The following DUSP10 variants were observed in gnomAD, a reference collection of about 807,000 sequenced individuals.
DUSP10 encodes the protein dual specificity protein phosphatase 10.
Under a neutral mutation model 30.8 loss-of-function variants are expected in DUSP10, and 14 were observed. That is an observed-to-expected ratio of 0.46 (90% CI 0.30 to 0.71). The LOEUF is 0.71. DUSP10 is among the 30% of genes least tolerant of loss of function. The pLI is 0.08. For missense variants in DUSP10, 550 were observed against 619.4 expected, an observed-to-expected ratio of 0.89 and a Z score of 1.19; for synonymous variants, 254 against 250.4, an observed-to-expected ratio of 1.01 and a Z score of -0.14.
At chr1:221,711,964 G>A (rs1159465241) in intron 2 of DUSP10, 2 of 152,194 alleles carry the variant, frequency 1.3e-5, no homozygotes, top group African/African-American at 2.4e-5. Flanking sequence ...CTTCTTCAAA[G>A]ACAGGGTCAG....
Position 221,741,983 on chromosome 1 carries a change from C to T in DUSP10, c.-46G>A, listed in dbSNP as rs1400887431. Reference sequence around the variant, plus strand: ...TAGTCGCGGTGACTTCCACTTACTTCATAAATAAGTGTATTCCTCCACCAT... The same window carrying T: ...TAGTCGCGGTGACTTCCACTTACTTTATAAATAAGTGTATTCCTCCACCAT... On this transcript the variant is annotated splice_region_variant and 5_prime_UTR_variant, in exon 1 of 4. The change abolishes an upstream ATG in the 5' untranslated region. Coordinates refer to ENST00000366899, the MANE Select transcript of DUSP10 (RefSeq NM_007207.6). 6.6e-6 allele frequency: 1 copy of T among 152,352 alleles called. No individual in the cohort carries two copies. The highest frequency in any genetic ancestry group is 6.5e-5 in the Admixed American group (1 of 15,286). 9.4% of individuals were successfully genotyped at this position (152,352 alleles called of 1,614,324 possible).
At chr1:221,709,699 C>G (rs1432195004) in intron 2 of DUSP10, among the ~76,000 whole-genome samples, 2 of 151,812 alleles carry the variant, frequency 1.3e-5, no homozygotes, top group African/African-American at 4.8e-5. Context: ...ACAGTGGTGG[C>G]TTTTTCCAGA....
chr1:221,727,491 C>T (rs1661458778), intron 2 of DUSP10, among the ~76,000 whole-genome samples: 1 of 152,216 alleles, frequency 6.6e-6, no homozygotes, highest in Non-Finnish European at 1.5e-5. Flanking sequence ...ATGGTTAGAT[C>T]AAATGCTTGA....
chr1:221,739,606 C>T lies in DUSP10; in HGVS notation c.139G>A (p.Ala47Thr), dbSNP rs373605299. The T allele has an allele frequency of 8.7e-6, 14 of 1,614,054 alleles. No homozygotes were observed. Among genetic ancestry groups the T allele is most frequent in the Admixed American group, 1.7e-5 (1 of 60,012 alleles). ...PGSNSHPPVI[A>T]TTVVSLKAAN... ...GCCTTGAGGGACACAACGGTGGTGG[C>T]GATGACAGGAGGGTGGCTGTTACTG... The change falls in exon 2 of 4, where the codon GCC (alanine) becomes ACC (threonine). Residue 47 changes from alanine (A) to threonine (T), a missense_variant. Physicochemically the swap from Ala to Thr is moderately conservative, Grantham distance 58 (BLOSUM62 0). Transcript: ENST00000366899.
intron 2 of DUSP10, among the ~76,000 whole-genome samples, chr1:221,718,622 AG>A (rs1220104758): frequency 6.6e-6 from 1 of 152,250 alleles, no homozygotes; most frequent in East Asian, 1.9e-4. Flanking sequence ...CTTTCAGTGC[AG>A]AAGTTTAAAT....
chr1:221,730,905 G>A (rs765014482), intron 2 of DUSP10, among the ~76,000 whole-genome samples: 2 of 152,024 alleles, frequency 1.3e-5, no homozygotes, highest in South Asian at 4.1e-4. Flanking sequence ...GGAAAAAACT[G>A]ATGCCAAGAT....
intron 2 of DUSP10, among the ~76,000 whole-genome samples, chr1:221,712,565 A>C (rs1660970714): frequency 6.6e-6 from 1 of 152,142 alleles, no homozygotes; most frequent in Non-Finnish European, 1.5e-5. Context: ...AACTTCAGAT[A>C]TACTCATATA....
chr1:221,725,542 A>G (rs1661402421), intron 2 of DUSP10, among the ~76,000 whole-genome samples: 2 of 152,214 alleles, frequency 1.3e-5, no homozygotes, highest in Admixed American at 6.5e-5. Flanking sequence ...TTTTTACATA[A>G]TATGCAAAAT....
chr1:221,715,485 A>G (rs547800679), intron 2 of DUSP10, among the ~76,000 whole-genome samples: 2 of 152,328 alleles, frequency 1.3e-5, no homozygotes, highest in East Asian at 1.9e-4. Context: ...AGGGAGGTGC[A>G]GTTCTCTTGC....
rs1661865944 is a variant in DUSP10 at position 221,739,092 on chromosome 1, C to T, written c.653G>A (p.Cys218Tyr). Residue 218 changes from cysteine (C) to tyrosine (Y), a missense_variant, in exon 2 of 4, where the codon TGT becomes TAT. Transcript: ENST00000366899. ...GKITVLDLIS[C>Y]REGKDSFKRI... is the part of the protein sequence containing the mutation. Reference sequence around the variant, plus strand: ...CTTGAAAGAGTCCTTGCCTTCCCTACAGGAAATCAAGTCTAGGACAGTGAT... The same window carrying T: ...CTTGAAAGAGTCCTTGCCTTCCCTATAGGAAATCAAGTCTAGGACAGTGAT... 6.2e-7 allele frequency: 1 copy of T among 1,614,084 alleles called. No individual in the cohort carries two copies. Among genetic ancestry groups the T allele is most frequent in the Non-Finnish European group, 8.5e-7 (1 of 1,180,050 alleles).
In DUSP10 at chr1:221,701,587, G is replaced by GAAAAAAAAAAA. The variant is rs746817576; in HGVS notation, c.*814_*824dup. 7.3e-5 allele frequency: 3 copies of GAAAAAAAAAAA among 41,108 alleles called. No homozygotes were observed. Among genetic ancestry groups the GAAAAAAAAAAA allele is most frequent in the Admixed American group, 2.6e-4 (1 of 3,910 alleles). 2.5% of individuals were successfully genotyped at this position (41,108 alleles called of 1,614,324 possible). ...TGGCACTGTAACCAGAATCAAATCAGAAAAAAAAAAAAAAAAGGAAAAAGG... is the reference window on the plus strand; with the variant it reads ...TGGCACTGTAACCAGAATCAAATCAGAAAAAAAAAAAAAAAAAAAAAAAAAAAGGAAAAAGG... On this transcript the variant is annotated 3_prime_UTR_variant, in exon 4 of 4. Coordinates refer to ENST00000366899, the MANE Select transcript of DUSP10 (RefSeq NM_007207.6).
intron 2 of DUSP10, among the ~76,000 whole-genome samples, chr1:221,736,068 G>A (rs1348922316): frequency 6.6e-6 from 1 of 152,162 alleles, no homozygotes; most frequent in Admixed American, 6.5e-5. Flanking sequence ...AACAGGGAGG[G>A]CACTGTAAAT....
rs1660873512 is a variant in DUSP10 at position 221,709,499 on chromosome 1, A to G, written c.812-3033T>C. ...GGGTGGAGAGAAAAGGAGATATTAC[A>G]ATTTAAACATATAAGGTAAACAAGG... On this transcript the variant is annotated intron_variant, in intron 2 of 3. Transcript: ENST00000366899. Among the ~76,000 whole-genome samples, 5 of 152,180 alleles carry G rather than the reference A, an allele frequency of 3.3e-5. No individual in the cohort carries two copies. In the South Asian group the frequency reaches 8.3e-4, roughly 25 times the overall value.
intron 2 of DUSP10, among the ~76,000 whole-genome samples, chr1:221,714,566 GCTGT>G (rs997060167): frequency 2.0e-5 from 3 of 152,100 alleles, no homozygotes; most frequent in Admixed American, 1.3e-4. Flanking sequence ...TCCCCTGAGT[GCTGT>G]GTAAACCTCA....
intron 2 of DUSP10, among the ~76,000 whole-genome samples, chr1:221,714,713 C>T (rs1661046887): frequency 1.3e-5 from 2 of 152,176 alleles, no homozygotes; most frequent in South Asian, 2.1e-4. Context: ...CACTAAAGAG[C>T]GAGCTGTTTT....
intron 3 of DUSP10, among the ~76,000 whole-genome samples, chr1:221,705,536 T>G (rs938090060): frequency 6.6e-6 from 1 of 152,212 alleles, no homozygotes; most frequent in Non-Finnish European, 1.5e-5. Context: ...CCTTGGGAAC[T>G]ACTCCGTCTA....
At position 221,706,125 on chromosome 1, in the gene DUSP10, G is replaced by A; in HGVS notation, c.1153C>T (p.Gln385Ter). The part of the protein sequence containing the change: ...ATDSNKQNLR[Q>*]YFEEAFEFIE... ...AACTCAAAAGCCTCTTCAAAGTACT[G>A]CCGCAGGTTCTGCTTGTTGCTGTCA... Residue 385 changes from glutamine (Q) to a stop codon, truncating the protein, a stop_gained, in exon 3 of 4, where the codon CAG (glutamine) becomes TAG (stop). Coordinates refer to ENST00000366899, the MANE Select transcript of DUSP10 (RefSeq NM_007207.6). LOFTEE classifies it high-confidence loss of function. The surrounding 1 kb of genome is among the most constrained non-coding windows in gnomAD (Gnocchi z 4.6). The A allele has an allele frequency of 6.2e-7, 1 of 1,614,138 alleles. No individual in the cohort carries two copies. Among genetic ancestry groups the A allele is most frequent in the Non-Finnish European group, 8.5e-7 (1 of 1,179,994 alleles).
chr1:221,714,418 C>T (rs1204752816), intron 2 of DUSP10, among the ~76,000 whole-genome samples: 1 of 152,196 alleles, frequency 6.6e-6, no homozygotes, highest in African/African-American at 2.4e-5. Flanking sequence ...AAAGAATTAC[C>T]TGCGACTAGA....
At chr1:221,705,049 T>A (rs1425359995) in intron 3 of DUSP10, among the ~76,000 whole-genome samples, 2 of 149,124 alleles carry the variant, frequency 1.3e-5, no homozygotes, top group Non-Finnish European at 3.0e-5. Flanking sequence ...TGAAGTTACG[T>A]AAAAAAAAAT....
Sources: allele counts gnomAD v4.1 joint callset (sites outside exome capture counted in the v4.1 genomes callset), GRCh38; gene constraint gnomAD v4.1.1; non-coding constraint Gnocchi (gnomAD v3.1); transcripts MANE v1.5; gene names NCBI Gene and HGNC (gene_info 2026-07-23, HGNC 2026-07-21).